The following RNF216 variants were observed in gnomAD, a reference collection of about 807,000 sequenced individuals.
RNF216 encodes the protein E3 ubiquitin-protein ligase RNF216.
A neutral mutation model predicts 110.8 loss-of-function variants in RNF216; 72 were observed. The ratio of observed to expected loss-of-function variants is 0.65; its 90% CI spans 0.54 to 0.79. The LOEUF (loss-of-function observed/expected upper bound fraction) is 0.79, where lower values mean the gene tolerates loss of function less well. RNF216 is among the 30% of genes least tolerant of loss of function. The pLI, the probability that RNF216 is intolerant of heterozygous loss-of-function variation, is 0.00. For missense variants in RNF216, 1,342 were observed against 1,141.2 expected (o/e 1.18, Z -2.54); for synonymous variants, 495 against 407.5 (o/e 1.21, Z -2.59).
chr7:5,638,136 C>G (rs1004182754), intron 15 of RNF216, among the ~76,000 whole-genome samples: 1 of 152,196 alleles, frequency 6.6e-6, no homozygotes, highest in Non-Finnish European at 1.5e-5. Context: ...CTACCACCTG[C>G]CCCTGTGGTA....
chr7:5,649,819 T>C (rs1442296487), intron 14 of RNF216: 4 of 152,238 alleles, frequency 2.6e-5, no homozygotes, highest in African/African-American at 9.6e-5. Context: ...GCTGCTGTTT[T>C]AGATGTCATC....
chr7:5,757,951 T>G (rs987302548), intron 2 of RNF216, among the ~76,000 whole-genome samples: 2 of 152,136 alleles, frequency 1.3e-5, no homozygotes, highest in Non-Finnish European at 2.9e-5. Context: ...GCCCAGCAGT[T>G]CAAGACCAGC....
chr7:5,646,708 A>C (rs1220982588), intron 14 of RNF216, among the ~76,000 whole-genome samples: 6 of 151,978 alleles, frequency 3.9e-5, no homozygotes, highest in African/African-American at 1.5e-4. Context: ...AAAAAAAAGA[A>C]AGTTATTTTT....
rs1786450368 is a variant in RNF216 at position 5,622,760 on chromosome 7, T to C, written c.*100A>G. On this transcript the variant is annotated 3_prime_UTR_variant, in exon 17 of 17. Coordinates refer to ENST00000389902, the MANE Select transcript of RNF216 (RefSeq NM_207111.4). The stretch of plus-strand genomic sequence containing the variant: ...AAACCAGCCTACCCTTCAAGCTGAC[T>C]TAGGATGCAATGGTACAGACACCAG... The C allele has an allele frequency of 1.7e-6, 2 of 1,204,306 alleles. No individual in the cohort carries two copies. The highest frequency in any genetic ancestry group is 4.8e-5 in the East Asian group (2 of 41,854). 74.6% of individuals were successfully genotyped at this position (1,204,306 alleles called of 1,614,324 possible).
intron 13 of RNF216, among the ~76,000 whole-genome samples, chr7:5,655,269 G>GT (rs1788662214): frequency 6.6e-6 from 1 of 152,140 alleles, no homozygotes; most frequent in African/African-American, 2.4e-5. Context: ...GAACGTGTGG[G>GT]TTTTCAGCCA....
chr7:5,755,550 T>G (rs1385919766), intron 2 of RNF216, among the ~76,000 whole-genome samples: 1 of 152,220 alleles, frequency 6.6e-6, no homozygotes, highest in Non-Finnish European at 1.5e-5. Flanking sequence ...GATTTCTAAT[T>G]GCGCAGATAA....
chr7:5,695,927 A>C (rs1240818597), intron 13 of RNF216, among the ~76,000 whole-genome samples: 7 of 152,204 alleles, frequency 4.6e-5, no homozygotes, highest in African/African-American at 1.7e-4. Flanking sequence ...CACAGAAAAC[A>C]TGTTTCCCGT....
At chr7:5,670,083 T>C (rs1051600005) in intron 13 of RNF216, among the ~76,000 whole-genome samples, 2 of 152,058 alleles carry the variant, frequency 1.3e-5, no homozygotes, top group Non-Finnish European at 2.9e-5. Flanking sequence ...CGCACCACCA[T>C]GCCCAGCTAT....
chr7:5,716,775 CA>C lies in RNF216; in HGVS notation c.1645-10del. ...AGCAAAAAGTCTTCATGCTGAAGAA[CA>C]AAAAAGGCACACATTCAGACACAAA... is the stretch of plus-strand genomic sequence containing the variant. On this transcript the variant is annotated splice_polypyrimidine_tract_variant and intron_variant, in intron 9 of 16. Transcript: ENST00000389902. 3.8e-6 allele frequency: 6 copies of C among 1,599,892 alleles called. No homozygotes were observed. The highest frequency in any genetic ancestry group is 3.4e-5 in the South Asian group (3 of 88,476).
intron 7 of RNF216, among the ~76,000 whole-genome samples, chr7:5,725,654 A>C (rs1793706185): frequency 6.6e-6 from 1 of 152,152 alleles, no homozygotes; most frequent in African/African-American, 2.4e-5. Flanking sequence ...GTTCGACACC[A>C]GTCTGGCCAA....
intron 14 of RNF216, among the ~76,000 whole-genome samples, chr7:5,641,772 C>A (rs150671235): frequency 1.2e-3 from 188 of 152,110 alleles, no homozygotes; most frequent in African/African-American, 4.0e-3. Flanking sequence ...TGGTGGTGCA[C>A]GCCTGTAATC....
intron 14 of RNF216, among the ~76,000 whole-genome samples, chr7:5,648,582 G>C (rs1788188581): frequency 6.6e-6 from 1 of 151,670 alleles, no homozygotes; most frequent in African/African-American, 2.4e-5. Flanking sequence ...AAAAAAATTA[G>C]CCAGGCATGG....
Position 5,622,638 on chromosome 7 carries a change from C to G in RNF216, c.*222G>C. 1 of 550,704 alleles carries G rather than the reference C, an allele frequency of 1.8e-6. No homozygotes were observed. Among genetic ancestry groups the G allele is most frequent in the Non-Finnish European group, 3.2e-6 (1 of 310,378 alleles). The allele number at this position is 550,704 out of a possible 1,614,324, so 34.1% of individuals were successfully genotyped here. On this transcript the variant is annotated 3_prime_UTR_variant, in exon 17 of 17. Transcript: ENST00000389902. ...ATGCGAGGGGAGGGGCAGTTCACAT[C>G]GCAGCTCTCTCCGAACTCCACCATT...
chr7:5,755,741 T>C (rs1053135169), intron 2 of RNF216, among the ~76,000 whole-genome samples: 25 of 152,238 alleles, frequency 1.6e-4, no homozygotes, highest in Non-Finnish European at 1.3e-4. Flanking sequence ...CTACTGTGGA[T>C]AGTGCTATTG....
intron 13 of RNF216, among the ~76,000 whole-genome samples, chr7:5,684,094 CTTTTTTTTTTT>C (rs10608511): frequency 4.9e-5 from 3 of 61,836 alleles, no homozygotes; most frequent in Non-Finnish European, 8.4e-5. Flanking sequence ...GCTGGGCCTT[CTTTTTTTTTTT>C]TTTTTTTTTT....
chr7:5,775,865 T>C (rs1369978395), intron 1 of RNF216, among the ~76,000 whole-genome samples: 1 of 142,224 alleles, frequency 7.0e-6, no homozygotes, highest in Non-Finnish European at 1.5e-5. Flanking sequence ...CGAGATTCCA[T>C]CTCAAAAAAA....
At chr7:5,715,763 A>G (rs1793018533) in intron 10 of RNF216, among the ~76,000 whole-genome samples, 5 of 122,506 alleles carry the variant, frequency 4.1e-5, no homozygotes, top group Admixed American at 9.3e-5. Flanking sequence ...TTTTTTTGAG[A>G]TGGAGTCTCA....
intron 14 of RNF216, among the ~76,000 whole-genome samples, chr7:5,648,345 G>A (rs1199332997): frequency 1.3e-5 from 2 of 151,736 alleles, no homozygotes; most frequent in East Asian, 2.0e-4. Context: ...GACCTCAGGT[G>A]ATCCGCCTGC....
Position 5,763,633 on chromosome 7 carries a change from C to T in RNF216, c.-69-2495G>A, listed in dbSNP as rs569021439. On this transcript the variant is annotated intron_variant, in intron 1 of 16. Transcript: ENST00000389902. ...TCATCCTGGCTGGAGAGCAGCTACA[C>T]GATCACGGCTCACTACAGCCTTGAA... 5.9e-5 allele frequency among the ~76,000 whole-genome samples: 9 copies of T among 152,176 alleles called. No individual in the cohort carries two copies. In the South Asian group the frequency reaches 6.2e-4, roughly 11 times the overall value.
Sources: allele counts gnomAD v4.1 joint callset (sites outside exome capture counted in the v4.1 genomes callset), GRCh38; gene constraint gnomAD v4.1.1; transcripts MANE v1.5; gene names NCBI Gene and HGNC (gene_info 2026-07-23, HGNC 2026-07-21).